NBEA: variants seen among roughly 807,000 people sequenced by gnomAD.
NBEA encodes neurobeachin.
A neutral mutation model predicts 343.4 loss-of-function variants in NBEA; 44 were observed. The ratio of observed to expected loss-of-function variants is 0.13; its 90% confidence interval spans 0.10 to 0.16. NBEA has a LOEUF of 0.16. Among genes scored for constraint, NBEA ranks in the 10% least tolerant of loss-of-function variants. The pLI is 1.00. For missense variants in NBEA, 2,555 were observed against 3,631.3 expected, an observed-to-expected ratio of 0.70 and a Z score of 7.62; for synonymous variants, 1,175 against 1,238.7, an observed-to-expected ratio of 0.95 and a Z score of 1.08.
chr13:35,506,743 C>A (rs895697248), intron 41 of NBEA, among the ~76,000 whole-genome samples: 2 of 152,116 alleles, frequency 1.3e-5, no homozygotes, highest in African/African-American at 4.8e-5. Flanking sequence ...AGTCATAGAG[C>A]CAGTTAGAAG....
At chr13:35,308,476 ATATATATATGTG>A (rs1566597143) in intron 35 of NBEA, among the ~76,000 whole-genome samples, 16 of 108,130 alleles carry the variant, frequency 1.5e-4, no homozygotes, top group African/African-American at 3.3e-4. Context: ...ATATATATGT[ATATATATATGTG>A]TATATATATG....
Position 35,159,545 on chromosome 13 carries a change from A to T in NBEA, c.3374A>T (p.Asp1125Val). ...VGIIKKNEEK[D>V]NGPLITLADE... Reference sequence around the variant, plus strand: ...ATCATTAAAAAAAATGAAGAAAAGGATAATGGTCCATTGATAACATTAGCA... The same window carrying T: ...ATCATTAAAAAAAATGAAGAAAAGGTTAATGGTCCATTGATAACATTAGCA... The change falls in exon 22 of 59, where the codon GAT becomes GTT. Residue 1125 changes from aspartate to valine, a missense_variant. Physicochemically the swap from Asp to Val is radical, Grantham distance 152. Around this residue, in one of 21 missense-constraint regions of NBEA, gnomAD observed 367 missense variants for 377.5 expected, o/e 0.97. Transcript: ENST00000379939. The T allele has an allele frequency of 6.2e-7, 1 of 1,612,814 alleles. No homozygotes were observed. Among genetic ancestry groups the T allele is most frequent in the Non-Finnish European group, 8.5e-7 (1 of 1,179,542 alleles).
intron 30 of NBEA, 123 bp from the exon 31 acceptor site, chr13:35,195,741 G>C: frequency 1.2e-6 from 1 of 838,168 alleles, no homozygotes; most frequent in South Asian, 1.9e-5. Context: ...ATGCACATCC[G>C]TTTAGCAATT....
At chr13:35,423,634 C>T in intron 38 of NBEA, among the ~76,000 whole-genome samples, 1 of 152,128 alleles carries the variant, frequency 6.6e-6, no homozygotes, top group Non-Finnish European at 1.5e-5. Flanking sequence ...GCGATGTGGG[C>T]TCTTTTTTGG....
intron 31 of NBEA, among the ~76,000 whole-genome samples, chr13:35,198,630 A>G (rs1260919765): frequency 6.6e-6 from 1 of 152,190 alleles, no homozygotes; most frequent in Non-Finnish European, 1.5e-5. Flanking sequence ...TCTAAATTGC[A>G]TAAGTACAAA....
At chr13:35,669,709 C>T (rs548293625) in intron 58 of NBEA, among the ~76,000 whole-genome samples, 43 of 152,248 alleles carry the variant, frequency 2.8e-4, no homozygotes, top group African/African-American at 9.4e-4. Flanking sequence ...CTTACTCGTT[C>T]GTGTATTCAT....
chr13:35,015,637 G>T (rs966814783), intron 1 of NBEA, among the ~76,000 whole-genome samples: 2 of 151,300 alleles, frequency 1.3e-5, no homozygotes, highest in African/African-American at 4.9e-5. Flanking sequence ...CATTATTTTT[G>T]AAAAACAAAA....
chr13:35,535,820 T>C lies in NBEA; in HGVS notation c.6586-14657T>C, dbSNP rs142949619. ...CATGGCATACAGATATATAAAAAAT[T>C]ACTTTAGTCTACAAAACTAAGTGCT... On this transcript the variant is annotated intron_variant, in intron 41 of 58. Transcript: ENST00000379939. Among the ~76,000 whole-genome samples the C allele has an allele frequency of 3.4e-3, 523 of 152,322 alleles. 2 individuals are homozygous for C. Among genetic ancestry groups the C allele is most frequent in the African/African-American group, 0.012 (503 of 41,568 alleles).
At chr13:35,003,276 G>C (rs575542200) in intron 1 of NBEA, among the ~76,000 whole-genome samples, 46 of 152,184 alleles carry the variant, frequency 3.0e-4, no homozygotes, top group Non-Finnish European at 6.2e-4. Flanking sequence ...AGCTACTTCA[G>C]GGGGGCTGAG....
chr13:35,055,221 T>G (rs1333995716), intron 6 of NBEA, among the ~76,000 whole-genome samples: 1 of 152,122 alleles, frequency 6.6e-6, no homozygotes, highest in Non-Finnish European at 1.5e-5. Context: ...TTTCTATACT[T>G]TAGAAAAAAT....
chr13:35,432,128 A>T (rs1444652347), intron 38 of NBEA, 141 bp from the exon 39 acceptor site: 1 of 477,364 alleles, frequency 2.1e-6, no homozygotes, highest in Admixed American at 3.9e-5. Flanking sequence ...ATACACAAAT[A>T]CAAGTGTAAA....
chr13:34,958,657 G>A (rs566113222), intron 1 of NBEA, among the ~76,000 whole-genome samples: 1 of 152,236 alleles, frequency 6.6e-6, no homozygotes, highest in South Asian at 2.1e-4. Flanking sequence ...GCCCTTGAGA[G>A]TAGGAGCTAG....
chr13:35,664,903 C>T (rs537321849), intron 55 of NBEA, among the ~76,000 whole-genome samples, 182 bp from the exon 56 acceptor site: 3 of 152,170 alleles, frequency 2.0e-5, no homozygotes, highest in Non-Finnish European at 4.4e-5. Context: ...ATAATAGATT[C>T]GCTAGTTATG....
intron 38 of NBEA, among the ~76,000 whole-genome samples, chr13:35,418,672 A>G (rs2044095176): frequency 6.6e-6 from 1 of 152,220 alleles, no homozygotes; most frequent in East Asian, 1.9e-4. Flanking sequence ...GTAACCTGGC[A>G]CAGATGCCAA....
chr13:35,308,446 A>ATATATATATATATATATATATATATG (rs2037056131), intron 35 of NBEA, among the ~76,000 whole-genome samples: 1 of 91,872 alleles, frequency 1.1e-5, no homozygotes, highest in East Asian at 2.7e-4. Flanking sequence ...TACTATATAT[A>ATATATATATATATATATATATATATG]TATATATATA....
intron 1 of NBEA, among the ~76,000 whole-genome samples, chr13:34,965,368 G>GAGTGAA (rs1720930152): frequency 6.6e-6 from 1 of 151,930 alleles, no homozygotes; most frequent in Admixed American, 6.6e-5. Flanking sequence ...GCTTGTGACT[G>GAGTGAA]AGTGAAAGTG....
At chr13:35,343,365 A>G (rs192472663) in intron 36 of NBEA, among the ~76,000 whole-genome samples, 23 of 152,280 alleles carry the variant, frequency 1.5e-4, no homozygotes, top group Admixed American at 9.2e-4. Context: ...TTCAGTGAAT[A>G]TATACAAGAT....
intron 31 of NBEA, among the ~76,000 whole-genome samples, chr13:35,204,674 G>A (rs563212404): frequency 9.9e-5 from 15 of 151,058 alleles, no homozygotes; most frequent in South Asian, 8.4e-4. Context: ...CAAGGTATCC[G>A]TCAGGATGAA....
intron 36 of NBEA, among the ~76,000 whole-genome samples, chr13:35,339,684 C>A (rs371775469): frequency 6.6e-6 from 1 of 151,986 alleles, no homozygotes; most frequent in Non-Finnish European, 1.5e-5. Context: ...AACAAACAAT[C>A]GTGGCAGAAG....
Sources: allele counts gnomAD v4.1 joint callset (sites outside exome capture counted in the v4.1 genomes callset), GRCh38; gene constraint gnomAD v4.1.1; regional missense constraint gnomAD v4.1.1; transcripts MANE v1.5; gene names NCBI Gene and HGNC (gene_info 2026-07-23, HGNC 2026-07-21).